USP54: variants seen among roughly 807,000 people sequenced by gnomAD.
The protein encoded by USP54 is ubiquitin specific peptidase 54, also known as ubiquitin carboxyl-terminal hydrolase 54.
Under a neutral mutation model 170.5 loss-of-function variants are expected in USP54, and 87 were observed. The observed-to-expected ratio is 0.51, with a 90% CI of 0.43 to 0.61. USP54 has a LOEUF of 0.61. USP54 is among the 20% of genes least tolerant of loss of function. The pLI, the probability that USP54 is intolerant of heterozygous loss-of-function variation, is 0.00. For synonymous variants in USP54, 655 were observed against 742.8 expected (o/e 0.88, Z 1.92); for missense variants, 1,786 against 2,047.8 (o/e 0.87, Z 2.47).
intron 1 of USP54, among the ~76,000 whole-genome samples, chr10:73,623,961 T>C (rs1305394690): frequency 1.3e-5 from 2 of 152,000 alleles, no homozygotes; most frequent in African/African-American, 4.8e-5. Flanking sequence ...AGGAGTTCAG[T>C]AGAGCTTGTT....
At chr10:73,618,927 G>T (rs2080869271) in intron 1 of USP54, among the ~76,000 whole-genome samples, 1 of 149,040 alleles carries the variant, frequency 6.7e-6, no homozygotes, top group African/African-American at 2.6e-5. Flanking sequence ...AATTTTTTTG[G>T]TAGAGGCCAG....
In USP54 at chr10:73,601,109, G is replaced by A. The variant is rs1385624836; in HGVS notation, c.-18+24458C>T. 2.0e-5 allele frequency among the ~76,000 whole-genome samples: 3 copies of A among 152,110 alleles called. No homozygotes were observed. In the East Asian group the frequency reaches 5.8e-4, roughly 29 times the overall value. On this transcript the variant is annotated intron_variant, in intron 1 of 22. Coordinates refer to the USP54 transcript ENST00000339859. The stretch of plus-strand genomic sequence containing the variant: ...TTCATGTTTAAGAACCTTACTTAAA[G>A]TGAATAGGAAAGTTTGGGTAAATTA...
At chr10:73,580,868 C>T (rs890399188) in intron 1 of USP54, among the ~76,000 whole-genome samples, 3 of 152,090 alleles carry the variant, frequency 2.0e-5, no homozygotes, top group Non-Finnish European at 2.9e-5. Flanking sequence ...TGTGAGCCAC[C>T]GTGCCTGGCA....
At chr10:73,596,822 C>T (rs1037134865) in intron 1 of USP54, among the ~76,000 whole-genome samples, 3 of 149,962 alleles carry the variant, frequency 2.0e-5, no homozygotes, top group South Asian at 2.1e-4. Flanking sequence ...AGTAGTGATA[C>T]TGGCAATTTA....
At chr10:73,596,889 G>A (rs545946588) in intron 1 of USP54, among the ~76,000 whole-genome samples, 4 of 152,110 alleles carry the variant, frequency 2.6e-5, no homozygotes, top group Admixed American at 6.5e-5. Context: ...GAAAGTTATC[G>A]ACTTAATAAG....
chr10:73,567,397 G>T (rs2074095094), intron 4 of USP54, among the ~76,000 whole-genome samples: 1 of 152,136 alleles, frequency 6.6e-6, no homozygotes, highest in Non-Finnish European at 1.5e-5. Flanking sequence ...TGGGCTGGGT[G>T]CAGTGGCTCA....
intron 18 of USP54, 86 bp downstream of exon 18, chr10:73,520,822 T>G: frequency 6.3e-7 from 1 of 1,584,142 alleles, no homozygotes; most frequent in Non-Finnish European, 8.6e-7. Flanking sequence ...AAAAACTGTT[T>G]TTATCCTGTC....
At position 73,575,803 on chromosome 10, in the gene USP54, A is replaced by C; in HGVS notation, c.-23T>G. 1.0e-6 allele frequency: 1 copy of C among 1,000,498 alleles called. No individual in the cohort carries two copies. The highest frequency in any genetic ancestry group is 1.9e-5 in the South Asian group (1 of 53,538). The allele number at this position is 1,000,498 out of a possible 1,614,324, so 62.0% of individuals were successfully genotyped here. A position where few individuals can be genotyped will look rare whatever the true frequency, so the allele number is the denominator to read the frequency against. On this transcript the variant is annotated 5_prime_UTR_variant, in exon 2 of 24. Coordinates refer to ENST00000687698, the MANE Select transcript of USP54 (RefSeq NM_001391956.1). ...GAAGATTTTGACTTTACCACCTTCC[A>C]AATATCATCTGTGTAGTCAAGGGAC...
At chr10:73,514,454 C>A (rs1208156549) in intron 20 of USP54, among the ~76,000 whole-genome samples, 4 of 151,502 alleles carry the variant, frequency 2.6e-5, no homozygotes, top group Non-Finnish European at 5.9e-5. Context: ...CCCAGCTACT[C>A]GGGAGGCTGA....
chr10:73,516,605 A>G lies in USP54; in HGVS notation c.3821T>C (p.Leu1274Pro). ...TCCTGGCCTAGGTGCCCCATGCTTAAGCTGAGAATCACAGAACCTTGTGAT... is the reference window on the plus strand; with the variant it reads ...TCCTGGCCTAGGTGCCCCATGCTTAGGCTGAGAATCACAGAACCTTGTGAT... ...VNITRFCDSQ[L>P]KHGAPRPGMK... Residue 1274 changes from leucine (L) to proline (P), a missense_variant, in exon 20 of 24, where the codon CTT becomes CCT. Coordinates refer to ENST00000687698, the MANE Select transcript of USP54 (RefSeq NM_001391956.1). 5 of 1,614,226 alleles carry G rather than the reference A, an allele frequency of 3.1e-6. No homozygotes were observed. The highest frequency in any genetic ancestry group is 4.2e-6 in the Non-Finnish European group (5 of 1,180,046).
At chr10:73,529,464 CATG>C (rs1487306839) in intron 15 of USP54, 2 of 605,896 alleles carry the variant, frequency 3.3e-6, no homozygotes, top group South Asian at 1.8e-5. Flanking sequence ...TTATTTTATA[CATG>C]ATAACTGTAT....
chr10:73,564,496 T>C (rs1472193192), intron 4 of USP54, among the ~76,000 whole-genome samples: 1 of 152,218 alleles, frequency 6.6e-6, no homozygotes, highest in Non-Finnish European at 1.5e-5. Flanking sequence ...TTGATTTATT[T>C]GCCATACTGT....
At position 73,521,008 on chromosome 10, in the gene USP54, C is replaced by T. The variant is rs750417093; in HGVS notation, c.2382G>A (p.Glu794=). The change falls in exon 18 of 24, where the codon GAG becomes GAA. Residue 794 remains glutamate (E), a synonymous_variant. Coordinates refer to ENST00000687698, the MANE Select transcript of USP54 (RefSeq NM_001391956.1). ...LQNQGRSDGF[E]RSLQEAESVF... is the part of the protein sequence containing the mutation. ...CTGACTCTGCCTCTTGCAGGGACCT[C>T]TCAAAGCCGTCACTCCTCCCTGAAA... 7 of 1,613,912 alleles carry T rather than the reference C, an allele frequency of 4.3e-6. No homozygotes were observed. The highest frequency in any genetic ancestry group is 1.3e-5 in the African/African-American group (1 of 74,926).
intron 3 of USP54, among the ~76,000 whole-genome samples, chr10:73,575,026 A>C (rs1247226237): frequency 6.6e-6 from 1 of 152,054 alleles, no homozygotes; most frequent in Non-Finnish European, 1.5e-5. Context: ...GGAGTTCGAG[A>C]CCAGCCTGGC....
intron 4 of USP54, among the ~76,000 whole-genome samples, chr10:73,571,070 G>A (rs1302789050): frequency 3.3e-5 from 5 of 150,358 alleles, no homozygotes; most frequent in Admixed American, 6.6e-5. Flanking sequence ...CCCAGGAGGC[G>A]GAGGCTGCAG....
rs372826996 is a variant in USP54 at position 73,613,764 on chromosome 10, A to G, written c.-18+11803T>C. On this transcript the variant is annotated intron_variant, in intron 1 of 22. Transcript: ENST00000339859. ...CGTGGTGGCGCGTGCCTGTAATCCC[A>G]GCTACTCAGAAGGCTGAGAGGGAAG... 2.6e-5 allele frequency among the ~76,000 whole-genome samples: 4 copies of G among 152,100 alleles called. No homozygotes were observed. In the East Asian group the frequency reaches 7.8e-4, roughly 30 times the overall value.
rs1390147680 is a variant in USP54, at chr10:73,543,222, C to T, written c.376-91G>A. 5 of 859,086 alleles carry T rather than the reference C, an allele frequency of 5.8e-6. No individual in the cohort carries two copies. The East Asian group carries it at 1.2e-4, about 21-fold the overall frequency. The allele number at this position is 859,086 out of a possible 1,614,324, so 53.2% of individuals were successfully genotyped here. A position where few individuals can be genotyped will look rare whatever the true frequency, so the allele number is the denominator to read the frequency against. On this transcript the variant is annotated intron_variant, in intron 5 of 23. Coordinates refer to ENST00000687698, the MANE Select transcript of USP54 (RefSeq NM_001391956.1). The stretch of plus-strand genomic sequence containing the variant: ...GCAGCTTACCCATAGAAACAGCAAC[C>T]CTTCTGGAAGGTAGGAATATTTTGA...
At position 73,616,416 on chromosome 10, in the gene USP54, T is replaced by C. The variant is rs796973939; in HGVS notation, c.-18+9151A>G. Among the ~76,000 whole-genome samples, 6 of 144,086 alleles carry C rather than the reference T, an allele frequency of 4.2e-5. 1 individual carries two copies. Among genetic ancestry groups the C allele is most frequent in the African/African-American group, 1.6e-4 (6 of 36,762 alleles). 94.5% of individuals were successfully genotyped at this position (144,086 alleles called of 152,430 possible). ...ACTAACACAGGAACAGAAAACCAAATGCCACGTTTTCACTTATAAGTGGCA... is the reference window on the plus strand; with the variant it reads ...ACTAACACAGGAACAGAAAACCAAACGCCACGTTTTCACTTATAAGTGGCA... On this transcript the variant is annotated intron_variant, in intron 1 of 22. Transcript: ENST00000339859.
intron 5 of USP54, among the ~76,000 whole-genome samples, chr10:73,543,464 T>C (rs2067063002): frequency 6.6e-6 from 1 of 152,102 alleles, no homozygotes; most frequent in African/African-American, 2.4e-5. Flanking sequence ...CCTCCCGGGT[T>C]CACGCCATTC....
Sources: gnomAD v4.1 joint callset for allele counts (sites outside exome capture counted in the v4.1 genomes callset) on GRCh38, gnomAD v4.1.1 for gene constraint, MANE v1.5 for transcripts, NCBI Gene and HGNC (gene_info 2026-07-23, HGNC 2026-07-21) for gene names.